GKAP1: variants seen among roughly 807,000 people sequenced by gnomAD.
GKAP1 encodes the protein G kinase-anchoring protein 1.
Under a neutral mutation model 56.7 loss-of-function variants are expected in GKAP1, and 31 were observed. The observed-to-expected ratio is 0.55, with a 90% CI of 0.41 to 0.74. The LOEUF (loss-of-function observed/expected upper bound fraction) is 0.74. Ranked by LOEUF, GKAP1 falls within the 30% of genes least tolerant of loss-of-function variation. GKAP1 has a pLI of 0.00. For missense variants in GKAP1, 364 were observed against 402.3 expected, an observed-to-expected ratio of 0.90 and a Z score of 0.82; for synonymous variants, 151 against 138.6, an observed-to-expected ratio of 1.09 and a Z score of -0.63.
intron 8 of GKAP1, 67 bp from the exon 9 acceptor site, chr9:83,753,426 T>C (rs938837154): frequency 1.8e-5 from 19 of 1,054,318 alleles, no homozygotes; most frequent in African/African-American, 1.3e-4. Flanking sequence ...TAGTATTCCT[T>C]TGTGAAAAGT....
At chr9:83,749,320 G>C (rs1405558522) in intron 9 of GKAP1, among the ~76,000 whole-genome samples, 1 of 150,200 alleles carries the variant, frequency 6.7e-6, no homozygotes, top group Non-Finnish European at 1.5e-5. Flanking sequence ...TTCGCCTCCT[G>C]GGTTCAAGTG....
intron 8 of GKAP1, among the ~76,000 whole-genome samples, chr9:83,758,150 C>T (rs1197460711): frequency 6.6e-6 from 1 of 152,110 alleles, no homozygotes; most frequent in African/African-American, 2.4e-5. Flanking sequence ...ATGCTGAATG[C>T]ACCAAGAGCA....
chr9:83,769,572 T>C (rs1276563863), intron 7 of GKAP1, among the ~76,000 whole-genome samples: 1 of 152,244 alleles, frequency 6.6e-6, no homozygotes, highest in Non-Finnish European at 1.5e-5. Flanking sequence ...CAGCACTTCA[T>C]TCCTTTTTAT....
intron 4 of GKAP1, among the ~76,000 whole-genome samples, chr9:83,792,394 T>C (rs1173797736): frequency 2.0e-5 from 3 of 152,178 alleles, no homozygotes. Context: ...ATTTTTAAGA[T>C]ATAAACTGGA....
At chr9:83,759,854 C>T (rs896932286) in intron 8 of GKAP1, among the ~76,000 whole-genome samples, 1 of 152,148 alleles carries the variant, frequency 6.6e-6, no homozygotes, top group African/African-American at 2.4e-5. Context: ...CTGTAATAAA[C>T]TTTGCTTTCT....
chr9:83,793,634 T>C (rs1944199010), intron 4 of GKAP1, among the ~76,000 whole-genome samples: 1 of 152,060 alleles, frequency 6.6e-6, no homozygotes, highest in South Asian at 2.1e-4. Context: ...CACAAAAGAA[T>C]TAAAAGTAGT....
At chr9:83,773,348 G>C (rs1440338470) in intron 7 of GKAP1, among the ~76,000 whole-genome samples, 1 of 152,104 alleles carries the variant, frequency 6.6e-6, no homozygotes, top group African/African-American at 2.4e-5. Context: ...GTAGATCAGT[G>C]GTTGCCAGGG....
intron 6 of GKAP1, among the ~76,000 whole-genome samples, chr9:83,782,610 A>G (rs1363982436): frequency 7.1e-6 from 1 of 141,566 alleles, no homozygotes; most frequent in African/African-American, 2.6e-5. Context: ...CACCTGCCTC[A>G]GCCTCCCAAA....
chr9:83,763,245 T>C (rs1269353868), intron 8 of GKAP1, among the ~76,000 whole-genome samples: 3 of 152,042 alleles, frequency 2.0e-5, no homozygotes, highest in Non-Finnish European at 2.9e-5. Flanking sequence ...ACAACTGAAC[T>C]AATGGAGTTA....
chr9:83,765,134 G>C (rs1043910874), intron 8 of GKAP1, among the ~76,000 whole-genome samples: 4 of 152,198 alleles, frequency 2.6e-5, no homozygotes, highest in Non-Finnish European at 4.4e-5. Context: ...TAGGGACTTG[G>C]TGCCCTGTGT....
chr9:83,766,580 C>T (rs186819656), intron 8 of GKAP1, among the ~76,000 whole-genome samples: 1 of 152,130 alleles, frequency 6.6e-6, no homozygotes, highest in Non-Finnish European at 1.5e-5. Flanking sequence ...CCATATAACA[C>T]AAATGTTAAT....
At chr9:83,812,316 T>TACACAC (rs1944521073) in intron 2 of GKAP1, among the ~76,000 whole-genome samples, 1 of 146,292 alleles carries the variant, frequency 6.8e-6, no homozygotes, top group African/African-American at 2.5e-5. Context: ...TACATATATA[T>TACACAC]GTATATATAC....
Position 83,799,153 on chromosome 9 carries a change from AAAAC to A in GKAP1, c.360+28_360+31del, listed in dbSNP as rs779529100. Reference sequence around the variant, plus strand: ...TGTGAAAAATCCATAAATTCAATGAAAAACAAAGCAATTTTATTTACTTAGTTGT... The same window carrying A: ...TGTGAAAAATCCATAAATTCAATGAAAAAGCAATTTTATTTACTTAGTTGT... On this transcript the variant is annotated intron_variant, in intron 4 of 12. Coordinates refer to ENST00000376371, the MANE Select transcript of GKAP1 (RefSeq NM_025211.4). 4.4e-6 allele frequency: 7 copies of A among 1,604,022 alleles called. No individual in the cohort carries two copies. The African/African-American group carries it at 6.7e-5, about 15-fold the overall frequency.
intron 11 of GKAP1, 102 bp downstream of exon 11, chr9:83,742,428 C>A: frequency 1.4e-6 from 1 of 723,048 alleles, no homozygotes; most frequent in Non-Finnish European, 2.3e-6. Context: ...ATAATTTATA[C>A]TACATCCTTA....
At chr9:83,779,442 T>TACACACACACACACACACAC (rs1298986099) in intron 7 of GKAP1, among the ~76,000 whole-genome samples, 1 of 69,108 alleles carries the variant, frequency 1.4e-5, no homozygotes, top group Non-Finnish European at 3.5e-5. Context: ...TATATATATA[T>TACACACACACACACACACAC]ATATATACAC....
chr9:83,759,621 G>C (rs1159428478), intron 8 of GKAP1, among the ~76,000 whole-genome samples: 2 of 151,766 alleles, frequency 1.3e-5, no homozygotes, highest in Admixed American at 6.6e-5. Flanking sequence ...ATTTTTTTTG[G>C]ACATGTCTTC....
chr9:83,765,358 C>T (rs941857833), intron 8 of GKAP1, among the ~76,000 whole-genome samples: 2 of 152,214 alleles, frequency 1.3e-5, no homozygotes, highest in African/African-American at 4.8e-5. Flanking sequence ...GCTACAGGGG[C>T]AGAGCCCTCA....
chr9:83,801,102 G>C (rs1944324447), intron 3 of GKAP1, among the ~76,000 whole-genome samples: 1 of 152,152 alleles, frequency 6.6e-6, no homozygotes, highest in Non-Finnish European at 1.5e-5. Flanking sequence ...AAGTCATGCT[G>C]AATTAGGTTG....
chr9:83,745,849 G>A (rs901305451), intron 10 of GKAP1, among the ~76,000 whole-genome samples: 4 of 151,522 alleles, frequency 2.6e-5, no homozygotes, highest in Non-Finnish European at 4.4e-5. Context: ...GGAGTGCAGT[G>A]GCATGATCTT....
Sources: allele counts gnomAD v4.1 joint callset (sites outside exome capture counted in the v4.1 genomes callset), GRCh38; gene constraint gnomAD v4.1.1; transcripts MANE v1.5; gene names NCBI Gene and HGNC (gene_info 2026-07-23, HGNC 2026-07-21).